Variants in PTPRD observed in about 807,000 individuals in gnomAD.
PTPRD encodes protein tyrosine phosphatase receptor type D.
In PTPRD, 34 loss-of-function variants were observed where a neutral mutation model predicts 214.5. The observed-to-expected ratio is 0.16, with a 90% CI of 0.12 to 0.21. The LOEUF is 0.21. Ranked by LOEUF, PTPRD falls within the 10% of genes least tolerant of loss-of-function variation. The probability of loss-of-function intolerance (pLI) is 1.00; values close to 1 mark genes in which losing one functional copy is unlikely to be tolerated. For missense variants in PTPRD, 2,545 were observed against 2,398.7 expected (o/e 1.06, Z -1.27); for synonymous variants, 1,128 against 845.7 (o/e 1.33, Z -5.79).
chr9:9,864,299 C>T (rs887384512), intron 5 of PTPRD, among the ~76,000 whole-genome samples: 1 of 150,044 alleles, frequency 6.7e-6, no homozygotes, highest in Non-Finnish European at 1.5e-5. Flanking sequence ...GAGTGAGACT[C>T]AGTCTTAAGA....
chr9:9,991,274 C>A (rs1396997750), intron 4 of PTPRD, among the ~76,000 whole-genome samples: 1 of 151,588 alleles, frequency 6.6e-6, no homozygotes, highest in South Asian at 2.1e-4. Context: ...GGAAAAATTT[C>A]TTATACAGAA....
rs75745486 is a variant in PTPRD, at chr9:10,054,516, T to A, written c.-544-20726A>T. Among the ~76,000 whole-genome samples, 379 of 152,242 alleles carry A rather than the reference T, an allele frequency of 2.5e-3. 1 individual carries two copies. The highest frequency in any genetic ancestry group is 8.2e-3 in the African/African-American group (342 of 41,552). On this transcript the variant is annotated intron_variant, in intron 3 of 45. Coordinates refer to ENST00000381196, the MANE Select transcript of PTPRD (RefSeq NM_002839.4). ...TCTTAGAGCACTTACTTTAGAAAAC[T>A]TGTAATTGTAAATCCTTTCCTGGAC...
chr9:8,999,308 G>T (rs921376623), intron 11 of PTPRD, among the ~76,000 whole-genome samples: 7 of 151,948 alleles, frequency 4.6e-5, no homozygotes, highest in Admixed American at 3.3e-4. Context: ...TTAAAAAACC[G>T]CAACAGCCAC....
intron 9 of PTPRD, among the ~76,000 whole-genome samples, chr9:9,187,958 G>A (rs1051404573): frequency 2.6e-5 from 4 of 151,768 alleles, no homozygotes; most frequent in African/African-American, 7.3e-5. Context: ...TTATAGAAAA[G>A]TACATAAATA....
At chr9:10,465,586 C>G (rs1421158473) in intron 2 of PTPRD, among the ~76,000 whole-genome samples, 1 of 152,096 alleles carries the variant, frequency 6.6e-6, no homozygotes, top group Non-Finnish European at 1.5e-5. Context: ...TTATTGTAGC[C>G]ATTGTAACTT....
intron 3 of PTPRD, among the ~76,000 whole-genome samples, chr9:10,277,704 G>T (rs1021450590): frequency 1.3e-5 from 2 of 152,154 alleles, no homozygotes; most frequent in African/African-American, 4.8e-5. Context: ...ATTAATATAT[G>T]CTCTTTTGTG....
chr9:10,455,056 C>G (rs967098184), intron 2 of PTPRD, among the ~76,000 whole-genome samples: 3 of 151,704 alleles, frequency 2.0e-5, no homozygotes, highest in African/African-American at 7.2e-5. Context: ...TCCATACCAT[C>G]TCTCAACTAA....
At chr9:9,160,801 AT>A (rs1285582055) in intron 10 of PTPRD, among the ~76,000 whole-genome samples, 2 of 152,200 alleles carry the variant, frequency 1.3e-5, no homozygotes, top group Admixed American at 1.3e-4. Context: ...CAGATAATAG[AT>A]TAAACCAATG....
At chr9:10,580,556 G>T (rs1254427379) in intron 2 of PTPRD, among the ~76,000 whole-genome samples, 1 of 151,862 alleles carries the variant, frequency 6.6e-6, no homozygotes, top group Non-Finnish European at 1.5e-5. Context: ...ATAAGATATG[G>T]GATTGAGTAG....
In PTPRD at chr9:9,976,225, CA is replaced by C. The variant is rs1320743858; in HGVS notation, c.-471-37616del. Among the ~76,000 whole-genome samples, 4 of 152,020 alleles carry C rather than the reference CA, an allele frequency of 2.6e-5. No individual in the cohort carries two copies. The East Asian group carries it at 7.7e-4, about 29-fold the overall frequency. On this transcript the variant is annotated intron_variant, in intron 4 of 45. Coordinates refer to ENST00000381196, the MANE Select transcript of PTPRD (RefSeq NM_002839.4). ...TCTTTCTTTTCCAACTTGTCTTTCA[CA>C]AAGGTCCCCCTCCCAGTTTACAAAA...
At chr9:9,905,338 C>A (rs2077300080) in intron 5 of PTPRD, among the ~76,000 whole-genome samples, 1 of 151,748 alleles carries the variant, frequency 6.6e-6, no homozygotes, top group South Asian at 2.1e-4. Context: ...AAATAATTAG[C>A]TCAATTGTTG....
chr9:9,083,234 C>T (rs1159718262), intron 10 of PTPRD, among the ~76,000 whole-genome samples: 12 of 152,108 alleles, frequency 7.9e-5, no homozygotes, highest in African/African-American at 2.9e-4. Context: ...ACCCAGGCCG[C>T]AGAAATAACA....
At chr9:10,256,178 A>G (rs557545048) in intron 3 of PTPRD, among the ~76,000 whole-genome samples, 1 of 152,304 alleles carries the variant, frequency 6.6e-6, no homozygotes, top group South Asian at 2.1e-4. Flanking sequence ...CAGTTTGTGG[A>G]AAAATTGTAT....
intron 2 of PTPRD, among the ~76,000 whole-genome samples, chr9:10,425,507 T>C (rs2098605266): frequency 6.6e-6 from 1 of 152,006 alleles, no homozygotes; most frequent in Non-Finnish European, 1.5e-5. Flanking sequence ...CACTGAGGTA[T>C]GTCCTTATAG....
At chr9:10,417,458 T>G (rs1247287230) in intron 2 of PTPRD, among the ~76,000 whole-genome samples, 1 of 151,884 alleles carries the variant, frequency 6.6e-6, no homozygotes, top group Non-Finnish European at 1.5e-5. Flanking sequence ...TAAATACATT[T>G]AAATTGTAAG....
chr9:10,092,981 C>A (rs1056345164), intron 3 of PTPRD, among the ~76,000 whole-genome samples: 14 of 151,770 alleles, frequency 9.2e-5, no homozygotes, highest in African/African-American at 3.4e-4. Context: ...AGATGTAAAA[C>A]TTCAAACTGT....
chr9:9,626,507 G>C (rs1288286458), intron 7 of PTPRD, among the ~76,000 whole-genome samples: 2 of 152,068 alleles, frequency 1.3e-5, no homozygotes, highest in Non-Finnish European at 2.9e-5. Flanking sequence ...AACCTGTGTT[G>C]GCACTTTTAG....
At chr9:9,697,495 T>C (rs2097401274) in intron 7 of PTPRD, among the ~76,000 whole-genome samples, 1 of 152,094 alleles carries the variant, frequency 6.6e-6, no homozygotes, top group Non-Finnish European at 1.5e-5. Flanking sequence ...TTCAACATTT[T>C]TGCATGTTTT....
At chr9:10,185,401 T>C (rs1013255358) in intron 3 of PTPRD, among the ~76,000 whole-genome samples, 6 of 152,304 alleles carry the variant, frequency 3.9e-5, no homozygotes, top group African/African-American at 1.4e-4. Context: ...CTTTGAGAAG[T>C]CTTGTCACTA....
Sources: gnomAD v4.1 joint callset for allele counts (sites outside exome capture counted in the v4.1 genomes callset) on GRCh38, gnomAD v4.1.1 for gene constraint, MANE v1.5 for transcripts, NCBI Gene and HGNC (gene_info 2026-07-23, HGNC 2026-07-21) for gene names.